Variants in GLIS3 observed in about 807,000 individuals in gnomAD.
The protein encoded by GLIS3 is zinc finger protein GLIS3.
A neutral mutation model predicts 78.6 loss-of-function variants in GLIS3; 53 were observed. The ratio of observed to expected loss-of-function variants is 0.67; its 90% CI spans 0.54 to 0.85. The LOEUF (loss-of-function observed/expected upper bound fraction) is 0.85. Ranked by LOEUF, GLIS3 falls within the 40% of genes least tolerant of loss-of-function variation. The probability of loss-of-function intolerance (pLI) is 0.00; values close to 1 mark genes in which losing one functional copy is unlikely to be tolerated. For missense variants in GLIS3, 1,703 were observed against 1,231.1 expected (o/e 1.38, Z -5.74); for synonymous variants, 684 against 509.9 (o/e 1.34, Z -4.60).
intron 2 of GLIS3, among the ~76,000 whole-genome samples, chr9:4,253,366 C>A (rs1824581504): frequency 6.6e-6 from 1 of 152,236 alleles, no homozygotes; most frequent in South Asian, 2.1e-4. Context: ...GTGCAGTGGG[C>A]TCTGCCCAGT....
the GLIS3 span, among the ~76,000 whole-genome samples, chr9:4,364,803 T>G: frequency 7.0e-6 from 1 of 142,086 alleles, no homozygotes; most frequent in Non-Finnish European, 1.5e-5. Context: ...CCTGCTATGT[T>G]GCCCTATTGA....
At chr9:4,004,985 A>G (rs1181026962) in intron 4 of GLIS3, among the ~76,000 whole-genome samples, 1 of 152,224 alleles carries the variant, frequency 6.6e-6, no homozygotes, top group African/African-American at 2.4e-5. Context: ...ATTAAATTCT[A>G]CAGCTCCTCA....
intron 2 of GLIS3, among the ~76,000 whole-genome samples, chr9:4,239,697 C>T (rs757665885): frequency 3.9e-5 from 6 of 152,200 alleles, no homozygotes; most frequent in Admixed American, 6.5e-5. Context: ...TTACCTACTT[C>T]CCTCCCTTAT....
intron 9 of GLIS3, among the ~76,000 whole-genome samples, chr9:3,833,213 C>A (rs1013350573): frequency 1.3e-5 from 2 of 152,188 alleles, no homozygotes; most frequent in African/African-American, 2.4e-5. Context: ...CATGTTTTAT[C>A]ACTCTAACAG....
At chr9:4,479,279 T>G in the GLIS3 span, among the ~76,000 whole-genome samples, 1 of 152,180 alleles carries the variant, frequency 6.6e-6, no homozygotes, top group Non-Finnish European at 1.5e-5. Flanking sequence ...TAAAAGATAC[T>G]TTACAACTTA....
intron 9 of GLIS3, among the ~76,000 whole-genome samples, chr9:3,847,061 G>T (rs1302930388): frequency 6.6e-6 from 1 of 152,174 alleles, no homozygotes; most frequent in Non-Finnish European, 1.5e-5. Flanking sequence ...GCAAGCGCCT[G>T]TAATCTCAGG....
intron 9 of GLIS3, among the ~76,000 whole-genome samples, chr9:3,837,469 G>A (rs1030605795): frequency 2.0e-5 from 3 of 152,190 alleles, no homozygotes; most frequent in Admixed American, 6.5e-5. Context: ...CCCTGTACAT[G>A]TATGTTTATA....
At chr9:3,889,722 C>G (rs1054320763) in intron 7 of GLIS3, among the ~76,000 whole-genome samples, 3 of 152,140 alleles carry the variant, frequency 2.0e-5, no homozygotes, top group Non-Finnish European at 4.4e-5. Flanking sequence ...GCTTTGCAGG[C>G]AAAGAGGCAA....
chr9:3,988,621 A>G (rs1424157231), intron 4 of GLIS3, among the ~76,000 whole-genome samples: 1 of 152,190 alleles, frequency 6.6e-6, no homozygotes, highest in Admixed American at 6.5e-5. Context: ...CTCAACTGAT[A>G]TTTGACAAAG....
At chr9:4,210,753 C>T (rs756677301) in intron 2 of GLIS3, among the ~76,000 whole-genome samples, 43 of 152,252 alleles carry the variant, frequency 2.8e-4, no homozygotes, top group Non-Finnish European at 5.4e-4. Context: ...CTGTACGCTT[C>T]GATGCAGCTT....
chr9:4,330,671 A>G (rs538390977), intron 2 of GLIS3, among the ~76,000 whole-genome samples: 1 of 151,664 alleles, frequency 6.6e-6, no homozygotes, highest in African/African-American at 2.4e-5. Flanking sequence ...ATGGAGATGA[A>G]GAGAGGTGGA....
intron 4 of GLIS3, among the ~76,000 whole-genome samples, chr9:4,074,317 A>T (rs1422954275): frequency 6.6e-6 from 1 of 152,172 alleles, no homozygotes. Flanking sequence ...TTTGTCAGAG[A>T]AATTCTAGAA....
chr9:4,075,099 C>CAACAACA, intron 4 of GLIS3, among the ~76,000 whole-genome samples: 1 of 42,968 alleles, frequency 2.3e-5, no homozygotes, highest in Non-Finnish European at 4.0e-5. Context: ...TGAACAACAA[C>CAACAACA]ACAACAACAA....
the GLIS3 span, among the ~76,000 whole-genome samples, chr9:4,408,430 A>T: frequency 0.01 from 834 of 80,812 alleles, 1 homozygote; most frequent in Non-Finnish European, 0.016. Flanking sequence ...AATGGATATT[A>T]AAAAAAAAAA....
intron 8 of GLIS3, among the ~76,000 whole-genome samples, chr9:3,878,292 G>T (rs1250380299): frequency 6.6e-6 from 1 of 151,914 alleles, no homozygotes; most frequent in African/African-American, 2.4e-5. Flanking sequence ...TCATTTGAAT[G>T]CCTGTCCTCA....
chr9:4,143,514 C>A (rs993731285), intron 2 of GLIS3, among the ~76,000 whole-genome samples: 1 of 151,890 alleles, frequency 6.6e-6, no homozygotes, highest in Non-Finnish European at 1.5e-5. Flanking sequence ...TTGCAGTGAG[C>A]CGAGATTGCA....
At chr9:4,065,584 G>GA (rs1429240692) in intron 4 of GLIS3, among the ~76,000 whole-genome samples, 2 of 152,262 alleles carry the variant, frequency 1.3e-5, no homozygotes, top group East Asian at 3.9e-4. Context: ...ACAGGCTTAT[G>GA]AAAAACAGCA....
chr9:4,443,114 C>T, the GLIS3 span, among the ~76,000 whole-genome samples: 9 of 152,092 alleles, frequency 5.9e-5, no homozygotes, highest in Non-Finnish European at 1.0e-4. Flanking sequence ...ACATTGAGTC[C>T]CATTCCGGTA....
chr9:4,427,722 G>T, the GLIS3 span, among the ~76,000 whole-genome samples: 1 of 152,024 alleles, frequency 6.6e-6, no homozygotes, highest in South Asian at 2.1e-4. Context: ...AGCCAGGTGT[G>T]GTGGTGTGCA....
Sources: gnomAD v4.1 joint callset for allele counts (sites outside exome capture counted in the v4.1 genomes callset) on GRCh38, gnomAD v4.1.1 for gene constraint, MANE v1.5 for transcripts, NCBI Gene and HGNC (gene_info 2026-07-23, HGNC 2026-07-21) for gene names.